C5orf63: variants seen among roughly 807,000 people sequenced by gnomAD.
The protein encoded by C5orf63 is chromosome 5 open reading frame 63.
C5orf63 carries 18 observed loss-of-function variants against 13.3 expected under a neutral mutation model. The ratio of observed to expected loss-of-function variants is 1.36; its 90% CI spans 0.94 to 2.01. C5orf63 has a LOEUF of 2.01. Among genes scored for constraint, C5orf63 ranks in the 30% most tolerant of loss-of-function variants. The pLI, the probability that C5orf63 is intolerant of heterozygous loss-of-function variation, is 0.00. For synonymous variants in C5orf63, 38 were observed against 44.7 expected (o/e 0.85, Z 0.60); for missense variants, 118 against 127.7 (o/e 0.92, Z 0.36).
At chr5:127,059,116 T>G (rs2126889874) in intron 2 of C5orf63, 114 bp from the exon 3 acceptor site, 1 of 707,902 alleles carries the variant, frequency 1.4e-6, no homozygotes, top group African/African-American at 1.8e-5. Context: ...AATTGTTTCT[T>G]CAAGTCCAGG....
At chr5:127,054,472 T>A (rs1753801444) in intron 3 of C5orf63, among the ~76,000 whole-genome samples, 2 of 152,354 alleles carry the variant, frequency 1.3e-5, no homozygotes, top group African/African-American at 2.4e-5. Context: ...TGATTTGCAT[T>A]TCTCTGATGG....
In C5orf63 at chr5:127,051,901, C is replaced by T. The variant is rs1312492322; in HGVS notation, c.218G>A (p.Trp73Ter). The T allele has an allele frequency of 6.5e-7, 1 of 1,529,268 alleles. No individual in the cohort carries two copies. Among genetic ancestry groups the T allele is most frequent in the Admixed American group, 2.0e-5 (1 of 49,292 alleles). The allele number at this position is 1,529,268 out of a possible 1,614,324, so 94.7% of individuals were successfully genotyped here. A position where few individuals can be genotyped will look rare whatever the true frequency, so the allele number is the denominator to read the frequency against. Residue 73 changes from tryptophan to a stop codon, truncating the protein, a stop_gained, in exon 5 of 5, where the codon TGG (tryptophan) becomes TAG (stop). Transcript: ENST00000296662. LOFTEE classifies it high-confidence loss of function. ...AATATCAAATTTATACCTTTCATAC[C>T]AGACAGAGTTTTCTGGAAGTGTGAT... ...VNITLPENSV[W>*]YERYKFDIPV...
chr5:127,043,468 T>A (rs1295082119), downstream of C5orf63: 1 of 151,914 alleles, frequency 6.6e-6, no homozygotes, highest in African/African-American at 2.4e-5. Flanking sequence ...AATTCAGGAG[T>A]CTTGCTAGTT....
downstream of C5orf63, chr5:127,042,597 T>G (rs969823746): frequency 3.9e-5 from 6 of 152,096 alleles, no homozygotes; most frequent in Non-Finnish European, 8.8e-5. Context: ...TTCCAAATTT[T>G]GAAGATTTAT....
chr5:127,049,506 T>C (rs1369347354), downstream of C5orf63, among the ~76,000 whole-genome samples: 1 of 152,220 alleles, frequency 6.6e-6, no homozygotes, highest in Non-Finnish European at 1.5e-5. Context: ...CTGGTACCAT[T>C]TGACATGTGT....
At chr5:127,050,350 A>AT (rs200602931), downstream of C5orf63, among the ~76,000 whole-genome samples, 153 of 145,244 alleles carry the variant, frequency 1.1e-3, no homozygotes, top group Non-Finnish European at 1.2e-3. Context: ...TTTCTCTTTT[A>AT]TTTTTTTTTT....
chr5:127,051,525 C>G lies in C5orf63; in HGVS notation c.*246G>C, dbSNP rs113426057. On this transcript the variant is annotated 3_prime_UTR_variant, in exon 5 of 5. Coordinates refer to ENST00000296662, the MANE Select transcript of C5orf63 (RefSeq NM_001164478.2). Reference sequence around the variant, plus strand: ...GGATAAATAAGACAAATGGACTTCTCCCTCCCTCCATCATCTCCCTCCCTG... The same window carrying G: ...GGATAAATAAGACAAATGGACTTCTGCCTCCCTCCATCATCTCCCTCCCTG... The G allele has an allele frequency of 0.025, 29,858 of 1,195,246 alleles. 421 individuals are homozygous for G. The highest frequency in any genetic ancestry group is 0.028 in the Non-Finnish European group (27,017 of 952,506). 74.0% of individuals were successfully genotyped at this position (1,195,246 alleles called of 1,614,324 possible).
intron 2 of C5orf63, among the ~76,000 whole-genome samples, chr5:127,069,686 G>C (rs1754461445): frequency 6.6e-6 from 1 of 152,180 alleles, no homozygotes. Flanking sequence ...TCTTCAATCT[G>C]AATGTTGGGA....
chr5:127,054,850 T>C (rs952068868), intron 3 of C5orf63, among the ~76,000 whole-genome samples: 9 of 152,234 alleles, frequency 5.9e-5, no homozygotes, highest in African/African-American at 1.9e-4. Flanking sequence ...GGTTTTCTTC[T>C]AGGGTTTTTA....
At chr5:127,042,929 G>C (rs529498800), downstream of C5orf63, 9 of 152,190 alleles carry the variant, frequency 5.9e-5, no homozygotes, top group Non-Finnish European at 1.3e-4. Flanking sequence ...GTCTTAAGTA[G>C]GGAATTGCAC....
At chr5:127,045,136 C>T (rs1255340258), downstream of C5orf63, 2 of 152,228 alleles carry the variant, frequency 1.3e-5, no homozygotes, top group East Asian at 1.9e-4. Flanking sequence ...TCCCTCTCCA[C>T]AAAAGTTGTT....
chr5:127,051,086 A>G (rs1365219785), downstream of C5orf63, among the ~76,000 whole-genome samples: 1 of 152,216 alleles, frequency 6.6e-6, no homozygotes, highest in Non-Finnish European at 1.5e-5. Context: ...GTAACTGAAT[A>G]ACTATGAAAG....
At chr5:127,046,149 G>A (rs1424709585) in exon 5 of C5orf63, 1 of 152,112 alleles carries the variant, frequency 6.6e-6, no homozygotes, top group Non-Finnish European at 1.5e-5. Context: ...TCTTTACCTT[G>A]ATATCCCACA....
At chr5:127,054,306 G>A (rs777230401) in intron 3 of C5orf63, among the ~76,000 whole-genome samples, 1 of 152,050 alleles carries the variant, frequency 6.6e-6, no homozygotes, top group Non-Finnish European at 1.5e-5. Flanking sequence ...TTGAGGAATC[G>A]CCACACTGTT....
intron 2 of C5orf63, among the ~76,000 whole-genome samples, chr5:127,069,213 T>C (rs1471670556): frequency 1.3e-5 from 2 of 152,202 alleles, no homozygotes; most frequent in Non-Finnish European, 2.9e-5. Flanking sequence ...AAAATCATTC[T>C]AGTTCAAGGG....
intron 2 of C5orf63, among the ~76,000 whole-genome samples, chr5:127,067,187 T>C (rs10519920): frequency 0.099 from 14,997 of 152,128 alleles, 1,185 homozygotes; most frequent in African/African-American, 0.22. Context: ...CAAAAGTTGA[T>C]TGGGTATCTT....
chr5:127,062,803 G>A (rs112669150), intron 2 of C5orf63, among the ~76,000 whole-genome samples: 1 of 151,974 alleles, frequency 6.6e-6, no homozygotes, highest in Non-Finnish European at 1.5e-5. Flanking sequence ...CTGAAACATG[G>A]TCTCTGCCTG....
downstream of C5orf63, chr5:127,047,492 G>C (rs953356801): frequency 2.5e-5 from 13 of 527,484 alleles, no homozygotes; most frequent in African/African-American, 2.5e-4. Context: ...AGATCTGCAG[G>C]ATTCCTAGTC....
At chr5:127,049,923 C>T (rs1753616467), downstream of C5orf63, among the ~76,000 whole-genome samples, 1 of 152,086 alleles carries the variant, frequency 6.6e-6, no homozygotes, top group Admixed American at 6.6e-5. Context: ...ACTGATGTCC[C>T]TATCTTCCTG....
Sources: gnomAD v4.1 joint callset for allele counts (sites outside exome capture counted in the v4.1 genomes callset) on GRCh38, gnomAD v4.1.1 for gene constraint, MANE v1.5 for transcripts, NCBI Gene and HGNC (gene_info 2026-07-23, HGNC 2026-07-21) for gene names.